Variants in DOCK9 observed in about 807,000 individuals in gnomAD.
The protein encoded by DOCK9 is dedicator of cytokinesis protein 9.
In DOCK9, 89 loss-of-function variants were observed where a neutral mutation model predicts 263.3. That is an observed-to-expected ratio of 0.34 (90% CI 0.28 to 0.40). The LOEUF (loss-of-function observed/expected upper bound fraction) is 0.40, where lower values mean the gene tolerates loss of function less well. Among genes scored for constraint, DOCK9 ranks in the 10% least tolerant of loss-of-function variants. The pLI is 1.00. For synonymous variants in DOCK9, 976 were observed against 973.1 expected, an observed-to-expected ratio of 1.00 and a Z score of -0.06; for missense variants, 2,140 against 2,603.4, an observed-to-expected ratio of 0.82 and a Z score of 3.87.
intron 23 of DOCK9, 115 bp downstream of exon 23, chr13:98,882,927 G>T: frequency 2.5e-6 from 2 of 791,226 alleles, no homozygotes; most frequent in South Asian, 1.9e-5. Context: ...AGCTACTGAT[G>T]TGAGACATCC....
At chr13:99,074,652 GC>G (rs1361224675) in intron 1 of DOCK9, among the ~76,000 whole-genome samples, 2 of 152,130 alleles carry the variant, frequency 1.3e-5, no homozygotes, top group African/African-American at 4.8e-5. Context: ...CCAATCAATA[GC>G]CCATGTTGTT....
intron 32 of DOCK9, among the ~76,000 whole-genome samples, chr13:98,862,307 A>G (rs766894985): frequency 6.6e-6 from 1 of 152,182 alleles, no homozygotes; most frequent in Non-Finnish European, 1.5e-5. Flanking sequence ...ATTTGGAAAT[A>G]GGATCTTTCC....
intron 37 of DOCK9, 115 bp downstream of exon 37, chr13:98,848,477 C>A: frequency 9.3e-7 from 1 of 1,076,234 alleles, no homozygotes; most frequent in East Asian, 2.6e-5. Flanking sequence ...CCATCAGTCC[C>A]CATGGCCGCT....
chr13:98,928,595 C>T (rs1384111828), intron 3 of DOCK9, among the ~76,000 whole-genome samples: 2 of 152,164 alleles, frequency 1.3e-5, no homozygotes, highest in Admixed American at 1.3e-4. Flanking sequence ...TGCTTTAAAA[C>T]ATAGGTCAAC....
intron 27 of DOCK9, among the ~76,000 whole-genome samples, chr13:98,873,155 C>T (rs1356066297): frequency 6.6e-6 from 1 of 152,232 alleles, no homozygotes; most frequent in African/African-American, 2.4e-5. Context: ...CTCCCACTGT[C>T]TCCTGAGCGC....
chr13:99,058,773 C>G (rs941380252), intron 1 of DOCK9, among the ~76,000 whole-genome samples: 16 of 152,140 alleles, frequency 1.1e-4, no homozygotes, highest in Admixed American at 3.3e-4. Context: ...ACTCCACCCC[C>G]TAAAGCACTC....
chr13:98,886,661 C>A, intron 18 of DOCK9, 37 bp from the exon 19 acceptor site: 1 of 1,574,208 alleles, frequency 6.4e-7, no homozygotes, highest in Admixed American at 1.7e-5. Context: ...CATCACGGTT[C>A]GATTAAGTAA....
chr13:98,867,400 G>T, intron 30 of DOCK9, 25 bp downstream of exon 30: 3 of 1,256,460 alleles, frequency 2.4e-6, no homozygotes, highest in African/African-American at 1.5e-5. Context: ...TTGTGAAAAG[G>T]TTAATAGAAA....
At chr13:98,880,774 A>G in intron 25 of DOCK9, 102 bp from the exon 26 acceptor site, 1 of 1,436,132 alleles carries the variant, frequency 7.0e-7, no homozygotes, top group Non-Finnish European at 9.4e-7. Flanking sequence ...GAGCTACAAT[A>G]TCATTTGTGG....
chr13:98,882,724 G>A (rs1002062510), intron 23 of DOCK9, among the ~76,000 whole-genome samples: 10 of 152,208 alleles, frequency 6.6e-5, no homozygotes, highest in African/African-American at 9.6e-5. Context: ...GGTGAGGACC[G>A]AAGTCTCTGC....
At chr13:99,004,486 A>T (rs1350171997) in intron 1 of DOCK9, among the ~76,000 whole-genome samples, 1 of 152,236 alleles carries the variant, frequency 6.6e-6, no homozygotes, top group Admixed American at 6.5e-5. Context: ...AGCATACAGG[A>T]CTGCATCTGA....
chr13:98,949,165 T>G (rs1489349259), intron 2 of DOCK9, among the ~76,000 whole-genome samples: 1 of 152,192 alleles, frequency 6.6e-6, no homozygotes, highest in Non-Finnish European at 1.5e-5. Context: ...CTCAACCTGT[T>G]GGGCTCAAGT....
Position 98,816,001 on chromosome 13 carries a change from A to G in DOCK9, c.5131-5710T>C, listed in dbSNP as rs558347668. Among the ~76,000 whole-genome samples the G allele has an allele frequency of 3.9e-5, 6 of 152,292 alleles. No individual in the cohort carries two copies. In the East Asian group the frequency reaches 9.7e-4, roughly 25 times the overall value. ...GAAAAATTCTTCTCAAAGAGTTACC[A>G]AAGTTACAACTATGTGTCCTCACCA... On this transcript the variant is annotated intron_variant, in intron 45 of 52. Transcript: ENST00000682017.
intron 1 of DOCK9, among the ~76,000 whole-genome samples, chr13:99,082,560 TAAATAAAAAAAA>T (rs1372718272): frequency 1.1e-4 from 6 of 55,942 alleles, no homozygotes; most frequent in Non-Finnish European, 2.7e-4. Context: ...AATAAATAAA[TAAATAAAAAAAA>T]ACAGCTTCAA....
rs1389263254 is a variant in DOCK9 at position 98,883,141 on chromosome 13, GGAAAAAGGAAAA to G, written c.2470-22_2470-11del. ...TATGTAAATGCTGATCCTGAGGTAG[GGAAAAAGGAAAA>G]GAAGAAGAAAGTCTATTAGAATACA... On this transcript the variant is annotated splice_polypyrimidine_tract_variant and intron_variant, in intron 22 of 52. Coordinates refer to ENST00000682017, the MANE Select transcript of DOCK9 (RefSeq NM_001366683.2). 6.2e-7 allele frequency: 1 copy of G among 1,600,302 alleles called. No individual in the cohort carries two copies. Among genetic ancestry groups the G allele is most frequent in the Admixed American group, 1.7e-5 (1 of 58,442 alleles).
chr13:99,024,034 T>C (rs754554610), intron 1 of DOCK9, among the ~76,000 whole-genome samples: 2 of 152,206 alleles, frequency 1.3e-5, no homozygotes, highest in Non-Finnish European at 2.9e-5. Context: ...AAGTGGCAAC[T>C]TAAATTACTG....
chr13:99,042,718 T>G (rs567123013), intron 1 of DOCK9, among the ~76,000 whole-genome samples: 1 of 152,312 alleles, frequency 6.6e-6, no homozygotes, highest in South Asian at 2.1e-4. Context: ...TACTTTCAAC[T>G]GTGGAACAGA....
chr13:99,018,747 A>G (rs1885723692), intron 1 of DOCK9, among the ~76,000 whole-genome samples: 1 of 152,254 alleles, frequency 6.6e-6, no homozygotes, highest in South Asian at 2.1e-4. Flanking sequence ...CATGAATTTC[A>G]TCAGAGGACA....
intron 1 of DOCK9, among the ~76,000 whole-genome samples, chr13:99,055,970 A>C (rs192498113): frequency 6.6e-6 from 1 of 152,190 alleles, no homozygotes; most frequent in Non-Finnish European, 1.5e-5. Flanking sequence ...TATCAGCTGC[A>C]CTAAGCATCA....
Sources: gnomAD v4.1 joint callset for allele counts (sites outside exome capture counted in the v4.1 genomes callset) on GRCh38, gnomAD v4.1.1 for gene constraint, MANE v1.5 for transcripts, NCBI Gene and HGNC (gene_info 2026-07-23, HGNC 2026-07-21) for gene names.